The following SEMA6D variants were observed in gnomAD, a reference collection of about 807,000 sequenced individuals.
The protein encoded by SEMA6D is semaphorin-6D.
A neutral mutation model predicts 106.6 loss-of-function variants in SEMA6D; 35 were observed. The ratio of observed to expected loss-of-function variants is 0.33; its 90% CI spans 0.25 to 0.44. The LOEUF (loss-of-function observed/expected upper bound fraction) is 0.44. Ranked by LOEUF, SEMA6D falls within the 20% of genes least tolerant of loss-of-function variation. The probability of loss-of-function intolerance (pLI) is 1.00; values close to 1 mark genes in which losing one functional copy is unlikely to be tolerated. For synonymous variants in SEMA6D, 499 were observed against 487.7 expected (o/e 1.02, Z -0.31); for missense variants, 1,185 against 1,345.9 (o/e 0.88, Z 1.87).
intron 1 of SEMA6D, among the ~76,000 whole-genome samples, chr15:47,738,716 C>A (rs2146951183): frequency 6.6e-6 from 1 of 152,298 alleles, no homozygotes; most frequent in South Asian, 2.1e-4. Context: ...GTTCATTTAT[C>A]CAGCCACCAT....
intron 1 of SEMA6D, among the ~76,000 whole-genome samples, chr15:47,316,508 CAA>C (rs2036685803): frequency 6.6e-6 from 1 of 151,562 alleles, no homozygotes; most frequent in African/African-American, 2.4e-5. Context: ...AAGTTTCTCA[CAA>C]TTAAGTATGA....
At chr15:47,503,643 C>A (rs2043932879) in intron 3 of SEMA6D, among the ~76,000 whole-genome samples, 1 of 151,876 alleles carries the variant, frequency 6.6e-6, no homozygotes, top group South Asian at 2.1e-4. Flanking sequence ...ACATCAGTAT[C>A]TTTGCTTGTG....
intron 3 of SEMA6D, among the ~76,000 whole-genome samples, chr15:47,492,984 G>GA (rs749655218): frequency 1.3e-5 from 2 of 151,790 alleles, no homozygotes; most frequent in South Asian, 2.1e-4. Flanking sequence ...GGAGAAACAA[G>GA]AAAAAAAACT....
intron 1 of SEMA6D, among the ~76,000 whole-genome samples, chr15:47,290,605 C>T (rs1314810163): frequency 1.4e-5 from 2 of 140,026 alleles, no homozygotes; most frequent in Non-Finnish European, 1.5e-5. Context: ...AAATATATAA[C>T]ATCAATTTAA....
Position 47,771,640 on chromosome 15 carries a change from C to T in SEMA6D, c.3077C>T (p.Ser1026Phe). The T allele has an allele frequency of 6.2e-7, 1 of 1,614,140 alleles. No homozygotes were observed. The highest frequency in any genetic ancestry group is 8.5e-7 in the Non-Finnish European group (1 of 1,179,984). ...AGTGTTCATCTGCAGCCTTCCCTCT[C>T]CAGACAGAGCAGCTACACCAGTAAT... ...PVSVHLQPSL[S>F]RQSSYTSNGT... is the part of the protein sequence containing the mutation. The change falls in exon 19 of 19, where the codon TCC becomes TTC. Residue 1026 changes from serine to phenylalanine, a missense_variant. Ser to Phe is a radical substitution (Grantham distance 155). Coordinates refer to ENST00000536845, the MANE Select transcript of SEMA6D (RefSeq NM_001358351.3).
chr15:47,298,497 G>A (rs1321131042), intron 1 of SEMA6D, among the ~76,000 whole-genome samples: 1 of 152,158 alleles, frequency 6.6e-6, no homozygotes, highest in Admixed American at 6.5e-5. Context: ...GTTCCCAGCA[G>A]TGTGACTTAA....
chr15:47,422,096 T>TC (rs2041177294), intron 2 of SEMA6D, among the ~76,000 whole-genome samples: 1 of 150,920 alleles, frequency 6.6e-6, no homozygotes, highest in Non-Finnish European at 1.5e-5. Flanking sequence ...ATTGTTTATT[T>TC]TTTTTTCTTT....
At position 47,764,161 on chromosome 15, in the gene SEMA6D, T is replaced by C; in HGVS notation, c.966-13T>C. The C allele has an allele frequency of 6.2e-7, 1 of 1,613,224 alleles. No individual in the cohort carries two copies. Among genetic ancestry groups the C allele is most frequent in the Non-Finnish European group, 8.5e-7 (1 of 1,179,512 alleles). ...GTCGCCAGCCTCTTCCTGATGATTT[T>C]CTTCCTTTTCAGCATCCCTGGTTCT... is the stretch of plus-strand genomic sequence containing the variant. On this transcript the variant is annotated splice_polypyrimidine_tract_variant and intron_variant, in intron 10 of 18. Coordinates refer to ENST00000536845, the MANE Select transcript of SEMA6D (RefSeq NM_001358351.3).
intron 1 of SEMA6D, among the ~76,000 whole-genome samples, chr15:47,303,264 T>A (rs2036094726): frequency 6.6e-6 from 1 of 152,218 alleles, no homozygotes; most frequent in Non-Finnish European, 1.5e-5. Context: ...GACAAAACAA[T>A]CTGATATTAT....
intron 3 of SEMA6D, among the ~76,000 whole-genome samples, chr15:47,566,697 G>A (rs117187774): frequency 2.0e-5 from 3 of 152,126 alleles, no homozygotes; most frequent in Non-Finnish European, 2.9e-5. Context: ...TCATTTAACC[G>A]TCCCCAACCG....
At chr15:47,521,664 T>C (rs1406735350) in intron 3 of SEMA6D, among the ~76,000 whole-genome samples, 1 of 152,196 alleles carries the variant, frequency 6.6e-6, no homozygotes, top group Admixed American at 6.5e-5. Context: ...TCTAAAATCC[T>C]TCCTTTAAAC....
At chr15:47,248,698 T>C (rs549709285) in intron 1 of SEMA6D, among the ~76,000 whole-genome samples, 24 of 152,324 alleles carry the variant, frequency 1.6e-4, no homozygotes, top group Non-Finnish European at 3.1e-4. Context: ...ATTATTCCAC[T>C]GATTTACAAT....
intron 4 of SEMA6D, among the ~76,000 whole-genome samples, chr15:47,620,094 T>G (rs1451572457): frequency 1.3e-5 from 2 of 152,072 alleles, no homozygotes; most frequent in Non-Finnish European, 2.9e-5. Flanking sequence ...TGAGACATGG[T>G]TCTAGCAGGT....
At chr15:47,576,611 C>T (rs1459149182) in intron 3 of SEMA6D, among the ~76,000 whole-genome samples, 2 of 152,202 alleles carry the variant, frequency 1.3e-5, no homozygotes, top group Non-Finnish European at 2.9e-5. Context: ...ATTCATTCTG[C>T]TGGCAAATCT....
intron 1 of SEMA6D, among the ~76,000 whole-genome samples, chr15:47,735,665 C>A (rs986833634): frequency 6.6e-6 from 1 of 152,162 alleles, no homozygotes; most frequent in Non-Finnish European, 1.5e-5. Context: ...AATTTAAGAT[C>A]ACAAGAGAAT....
intron 1 of SEMA6D, among the ~76,000 whole-genome samples, chr15:47,402,747 CTTT>C (rs11344225): frequency 1.3e-4 from 16 of 121,460 alleles, no homozygotes; most frequent in Non-Finnish European, 8.6e-5. Context: ...GTGAGCCAGA[CTTT>C]TTTTTTTTTT....
At chr15:47,627,150 A>C (rs2077217079) in intron 4 of SEMA6D, among the ~76,000 whole-genome samples, 1 of 152,154 alleles carries the variant, frequency 6.6e-6, no homozygotes, top group South Asian at 2.1e-4. Flanking sequence ...TTTACTACCC[A>C]TCTTCTCCCA....
Position 47,641,082 on chromosome 15 carries a change from G to T in SEMA6D, c.-55+40186G>T, listed in dbSNP as rs150215501. ...TAAATGGAGCGGAGTGGGAGGGGGA[G>T]GAGTTGTTCCATTTCCCCACTGCTG... On this transcript the variant is annotated intron_variant, in intron 4 of 19. Transcript: ENST00000558014. Among the ~76,000 whole-genome samples, 35 of 152,248 alleles carry T rather than the reference G, an allele frequency of 2.3e-4. No individual in the cohort carries two copies. The East Asian group carries it at 6.6e-3, about 29-fold the overall frequency.
chr15:47,765,337 T>C, intron 13 of SEMA6D: 1 of 1,198,928 alleles, frequency 8.3e-7, no homozygotes, highest in African/African-American at 1.6e-5. Flanking sequence ...CTTGCAGATA[T>C]ATTCCAAGAT....
Sources: gnomAD v4.1 joint callset for allele counts (sites outside exome capture counted in the v4.1 genomes callset) on GRCh38, gnomAD v4.1.1 for gene constraint, MANE v1.5 for transcripts, NCBI Gene and HGNC (gene_info 2026-07-23, HGNC 2026-07-21) for gene names.